EEPD1: variants seen among roughly 807,000 people sequenced by gnomAD.
EEPD1 encodes endonuclease/exonuclease/phosphatase family domain-containing protein 1.
In EEPD1, 17 loss-of-function variants were observed where a neutral mutation model predicts 46.3. That is an observed-to-expected ratio of 0.37 (90% CI 0.25 to 0.55). The LOEUF (loss-of-function observed/expected upper bound fraction) is 0.55. Ranked by LOEUF, EEPD1 falls within the 20% of genes least tolerant of loss-of-function variation. The pLI, the probability that EEPD1 is intolerant of heterozygous loss-of-function variation, is 0.83. For missense variants in EEPD1, 673 were observed against 745.6 expected (o/e 0.90, Z 1.13); for synonymous variants, 313 against 315.6 (o/e 0.99, Z 0.09).
At chr7:36,210,714 G>T (rs550822992) in intron 2 of EEPD1, among the ~76,000 whole-genome samples, 2 of 152,010 alleles carry the variant, frequency 1.3e-5, no homozygotes, top group Non-Finnish European at 1.5e-5. Flanking sequence ...TCCCACCTGC[G>T]CATTTGCTGC....
intron 3 of EEPD1, among the ~76,000 whole-genome samples, chr7:36,268,116 G>C (rs1787051841): frequency 6.6e-6 from 1 of 152,106 alleles, no homozygotes; most frequent in South Asian, 2.1e-4. Flanking sequence ...TAAGAACCTA[G>C]CCCAGGATGG....
chr7:36,276,796 A>G (rs560918618), intron 3 of EEPD1, among the ~76,000 whole-genome samples: 3 of 152,346 alleles, frequency 2.0e-5, no homozygotes, highest in African/African-American at 7.2e-5. Flanking sequence ...GATGGGGTCC[A>G]CCAATCCAAG....
At chr7:36,185,562 TG>T (rs1785349135) in intron 2 of EEPD1, among the ~76,000 whole-genome samples, 1 of 132,628 alleles carries the variant, frequency 7.5e-6, no homozygotes, top group Admixed American at 8.2e-5. Flanking sequence ...TTGATCACAC[TG>T]GTATGAGGCA....
chr7:36,162,161 A>G (rs1451101003), intron 2 of EEPD1, among the ~76,000 whole-genome samples: 3 of 152,150 alleles, frequency 2.0e-5, no homozygotes, highest in Non-Finnish European at 4.4e-5. Flanking sequence ...AATATTTAGG[A>G]ATCTTAGCAG....
chr7:36,195,198 C>G (rs960279196), intron 2 of EEPD1, among the ~76,000 whole-genome samples: 2 of 152,174 alleles, frequency 1.3e-5, no homozygotes, highest in African/African-American at 2.4e-5. Flanking sequence ...GAGGGATGCT[C>G]ATTGAGACCA....
At chr7:36,248,307 C>T (rs1450784716) in intron 3 of EEPD1, among the ~76,000 whole-genome samples, 2 of 151,664 alleles carry the variant, frequency 1.3e-5, no homozygotes, top group South Asian at 2.1e-4. Context: ...TGAGCTCAAG[C>T]GATTTTACCC....
At chr7:36,297,419 A>G (rs1235910855) in intron 7 of EEPD1, among the ~76,000 whole-genome samples, 1 of 152,214 alleles carries the variant, frequency 6.6e-6, no homozygotes, top group Non-Finnish European at 1.5e-5. Context: ...TTTTGTAACT[A>G]TTCGTTAATT....
intron 2 of EEPD1, among the ~76,000 whole-genome samples, chr7:36,166,972 G>C (rs1303703373): frequency 2.0e-5 from 3 of 152,130 alleles, no homozygotes; most frequent in Non-Finnish European, 2.9e-5. Flanking sequence ...AGTTCTGGAG[G>C]CTGGGAGTTT....
chr7:36,266,374 C>T (rs1022223210), intron 3 of EEPD1, among the ~76,000 whole-genome samples: 3 of 152,140 alleles, frequency 2.0e-5, no homozygotes, highest in African/African-American at 4.8e-5. Context: ...TTTGAATCCT[C>T]GCAGTCTAGA....
At position 36,300,697 on chromosome 7, in the gene EEPD1, CCT is replaced by C. The variant is rs924063913; in HGVS notation, c.*1492_*1493del. On this transcript the variant is annotated 3_prime_UTR_variant, in exon 8 of 8. Coordinates refer to ENST00000242108, the MANE Select transcript of EEPD1 (RefSeq NM_030636.3). ...TGGAGCTGATGGGCCGTGAAGGGGG[CCT>C]ATTTTTCTCCAAAGGCCATCCTTTT... 1 of 152,178 alleles carries C rather than the reference CCT, an allele frequency of 6.6e-6. No homozygotes were observed. The highest frequency in any genetic ancestry group is 1.5e-5 in the Non-Finnish European group (1 of 68,034). The allele number at this position is 152,178 out of a possible 1,614,324, so 9.4% of individuals were successfully genotyped here. A position where few individuals can be genotyped will look rare whatever the true frequency, so the allele number is the denominator to read the frequency against.
intron 2 of EEPD1, among the ~76,000 whole-genome samples, chr7:36,234,883 G>A (rs1052891983): frequency 6.6e-6 from 1 of 151,542 alleles, no homozygotes; most frequent in East Asian, 1.9e-4. Context: ...TGCTTTTACT[G>A]TGTGCTGAGT....
chr7:36,186,224 A>G (rs907044720), intron 2 of EEPD1, among the ~76,000 whole-genome samples: 2 of 152,100 alleles, frequency 1.3e-5, no homozygotes, highest in African/African-American at 4.8e-5. Flanking sequence ...GTAGTGGCAC[A>G]ATGCTTTCTC....
intron 3 of EEPD1, among the ~76,000 whole-genome samples, chr7:36,266,746 C>T (rs1402288418): frequency 1.3e-5 from 2 of 152,170 alleles, no homozygotes; most frequent in African/African-American, 4.8e-5. Flanking sequence ...TCCCCTCTTG[C>T]CCAGCCCCTG....
At chr7:36,291,015 A>G (rs1787421811) in intron 6 of EEPD1, among the ~76,000 whole-genome samples, 1 of 152,214 alleles carries the variant, frequency 6.6e-6, no homozygotes, top group South Asian at 2.1e-4. Context: ...CGATGTGCTC[A>G]TTCAAAAAGG....
intron 2 of EEPD1, among the ~76,000 whole-genome samples, chr7:36,168,884 C>T (rs984424210): frequency 5.9e-5 from 9 of 152,058 alleles, no homozygotes; most frequent in Admixed American, 1.3e-4. Flanking sequence ...GCCCTGCAAG[C>T]GCTTTAGGAA....
chr7:36,215,941 C>G (rs1786023572), intron 2 of EEPD1, among the ~76,000 whole-genome samples: 1 of 152,192 alleles, frequency 6.6e-6, no homozygotes, highest in Non-Finnish European at 1.5e-5. Context: ...GATGGGAGCC[C>G]TACCTCCTCC....
At chr7:36,239,551 C>G (rs113747429) in intron 3 of EEPD1, among the ~76,000 whole-genome samples, 1,644 of 152,182 alleles carry the variant, frequency 0.011, 30 homozygotes, top group African/African-American at 0.038. Context: ...CAAGTTCATG[C>G]GTTTTTATCT....
At position 36,301,242 on chromosome 7, in the gene EEPD1, T is replaced by G. The variant is rs1405656084; in HGVS notation, c.*2036T>G. 6.6e-6 allele frequency: 1 copy of G among 152,248 alleles called. No individual in the cohort carries two copies. Among genetic ancestry groups the G allele is most frequent in the African/African-American group, 2.4e-5 (1 of 41,460 alleles). 9.4% of individuals were successfully genotyped at this position (152,248 alleles called of 1,614,324 possible). A position where few individuals can be genotyped will look rare whatever the true frequency, so the allele number is the denominator to read the frequency against. Reference sequence around the variant, plus strand: ...CCAGGGCTCAGTGGCCCAGGAAGTGTGCTGGGCAGCCTGTTCTTACTCCAG... The same window carrying G: ...CCAGGGCTCAGTGGCCCAGGAAGTGGGCTGGGCAGCCTGTTCTTACTCCAG... On this transcript the variant is annotated 3_prime_UTR_variant, in exon 8 of 8. Coordinates refer to ENST00000242108, the MANE Select transcript of EEPD1 (RefSeq NM_030636.3).
chr7:36,252,370 C>G (rs1435471275), intron 3 of EEPD1, among the ~76,000 whole-genome samples: 2 of 152,102 alleles, frequency 1.3e-5, no homozygotes, highest in African/African-American at 4.8e-5. Context: ...GCTATGACTT[C>G]TGTTAGCATC....
Sources: allele counts gnomAD v4.1 joint callset (sites outside exome capture counted in the v4.1 genomes callset), GRCh38; gene constraint gnomAD v4.1.1; transcripts MANE v1.5; gene names NCBI Gene and HGNC (gene_info 2026-07-23, HGNC 2026-07-21).